The following TMEM135 variants were observed in gnomAD, a reference collection of about 807,000 sequenced individuals.
TMEM135 encodes the protein peroxisomal membrane protein 52.
Under a neutral mutation model 60.3 loss-of-function variants are expected in TMEM135, and 30 were observed. The observed-to-expected ratio is 0.50, with a 90% CI of 0.37 to 0.68. TMEM135 has a LOEUF of 0.68. TMEM135 is among the 30% of genes least tolerant of loss of function. The probability of loss-of-function intolerance (pLI) is 0.00; values close to 1 mark genes in which losing one functional copy is unlikely to be tolerated. For missense variants in TMEM135, 468 were observed against 548.8 expected, an observed-to-expected ratio of 0.85 and a Z score of 1.47; for synonymous variants, 190 against 186.7, an observed-to-expected ratio of 1.02 and a Z score of -0.14.
At position 87,324,044 on chromosome 11, in the gene TMEM135, C is replaced by T. The variant is rs1407781899; in HGVS notation, c.*2711C>T. On this transcript the variant is annotated 3_prime_UTR_variant, in exon 15 of 15. Coordinates refer to ENST00000305494, the MANE Select transcript of TMEM135 (RefSeq NM_022918.4). ...TATAATGAACTTTTATTAGACTGAACATGTATGTTTTTGATGGAATCCAAA... is the reference window on the plus strand; with the variant it reads ...TATAATGAACTTTTATTAGACTGAATATGTATGTTTTTGATGGAATCCAAA... 2.2e-6 allele frequency: 1 copy of T among 453,924 alleles called. No homozygotes were observed. Among genetic ancestry groups the T allele is most frequent in the Admixed American group, 2.3e-5 (1 of 42,556 alleles). The allele number at this position is 453,924 out of a possible 1,614,324, so 28.1% of individuals were successfully genotyped here. A position where few individuals can be genotyped will look rare whatever the true frequency, so the allele number is the denominator to read the frequency against.
chr11:87,282,508 C>T (rs752685198), intron 6 of TMEM135, among the ~76,000 whole-genome samples: 1 of 152,178 alleles, frequency 6.6e-6, no homozygotes, highest in Non-Finnish European at 1.5e-5. Flanking sequence ...TCAGGTGATC[C>T]ACTCGCCTCG....
intron 5 of TMEM135, among the ~76,000 whole-genome samples, chr11:87,233,991 A>G (rs2135370680): frequency 6.6e-6 from 1 of 152,248 alleles, no homozygotes; most frequent in South Asian, 2.1e-4. Context: ...GCACAGTTTT[A>G]AAAACTTTTT....
chr11:87,308,575 G>T (rs10898666), intron 9 of TMEM135, among the ~76,000 whole-genome samples: 4,150 of 151,536 alleles, frequency 0.027, 122 homozygotes, highest in East Asian at 0.15. Context: ...ACTGCTATGA[G>T]TGTAGATATT....
chr11:87,292,033 C>T (rs1317305262), intron 6 of TMEM135, among the ~76,000 whole-genome samples: 1 of 152,142 alleles, frequency 6.6e-6, no homozygotes, highest in African/African-American at 2.4e-5. Context: ...AATCTACTTG[C>T]TTCTCTTTAC....
intron 13 of TMEM135, among the ~76,000 whole-genome samples, chr11:87,318,886 T>TC (rs1363521807): frequency 2.6e-5 from 4 of 151,592 alleles, no homozygotes; most frequent in Non-Finnish European, 5.9e-5. Context: ...TTTTTTTTTT[T>TC]TTGAGATGGA....
Position 87,135,462 on chromosome 11 carries a change from ATG to A in TMEM135, c.397-21877_397-21876del, listed in dbSNP as rs1445660375. On this transcript the variant is annotated intron_variant, in intron 4 of 14. Coordinates refer to ENST00000305494, the MANE Select transcript of TMEM135 (RefSeq NM_022918.4). The stretch of plus-strand genomic sequence containing the variant: ...ATTATTTTTGCATATAGTTAAACAA[ATG>A]TTCTAGCACCATTTATTGAAGAGTT... Among the ~76,000 whole-genome samples the A allele has an allele frequency of 2.7e-5, 4 of 149,122 alleles. No individual in the cohort carries two copies. The East Asian group carries it at 7.9e-4, about 29-fold the overall frequency.
intron 4 of TMEM135, among the ~76,000 whole-genome samples, chr11:87,130,070 A>G (rs1937872962): frequency 6.6e-6 from 1 of 152,050 alleles, no homozygotes; most frequent in South Asian, 2.1e-4. Context: ...TTCTTAGGAT[A>G]CAAGTAGCAG....
chr11:87,113,923 T>C (rs1438001618), intron 4 of TMEM135, among the ~76,000 whole-genome samples: 2 of 152,036 alleles, frequency 1.3e-5, no homozygotes, highest in African/African-American at 2.4e-5. Context: ...TACTAGTGCA[T>C]AGGAAGATCT....
intron 6 of TMEM135, among the ~76,000 whole-genome samples, chr11:87,283,166 C>A (rs1215670634): frequency 6.6e-6 from 1 of 151,612 alleles, no homozygotes; most frequent in Non-Finnish European, 1.5e-5. Flanking sequence ...GAAACCCTGT[C>A]TCTACTGAAA....
intron 4 of TMEM135, among the ~76,000 whole-genome samples, chr11:87,099,863 A>C (rs1328470981): frequency 6.6e-6 from 1 of 151,824 alleles, no homozygotes; most frequent in Non-Finnish European, 1.5e-5. Flanking sequence ...TTGTATTTTT[A>C]GTAGAGACGG....
chr11:87,148,361 T>C (rs191853272), intron 4 of TMEM135, among the ~76,000 whole-genome samples: 1 of 152,302 alleles, frequency 6.6e-6, no homozygotes, highest in African/African-American at 2.4e-5. Flanking sequence ...CTTAGCTGAA[T>C]TGGCAGAATG....
At chr11:87,128,352 T>G (rs1226580887) in intron 4 of TMEM135, among the ~76,000 whole-genome samples, 1 of 152,204 alleles carries the variant, frequency 6.6e-6, no homozygotes, top group Admixed American at 6.5e-5. Context: ...ACTCCAGATC[T>G]TTGCTCTAGC....
At chr11:87,227,725 A>AAC (rs1233838838) in intron 5 of TMEM135, among the ~76,000 whole-genome samples, 2 of 152,176 alleles carry the variant, frequency 1.3e-5, no homozygotes, top group Non-Finnish European at 2.9e-5. Flanking sequence ...TTTGACTTTG[A>AAC]ACACACATTG....
At position 87,144,839 on chromosome 11, in the gene TMEM135, A is replaced by G. The variant is rs181993176; in HGVS notation, c.397-12502A>G. 6.5e-3 allele frequency among the ~76,000 whole-genome samples: 995 copies of G among 152,062 alleles called. 13 individuals carry two copies. Among genetic ancestry groups the G allele is most frequent in the African/African-American group, 0.023 (945 of 41,496 alleles). ...CTTTTTTATTATAAATTCACAATTCATAATTGTATACATTTATTGGGAACA... is the reference window on the plus strand; with the variant it reads ...CTTTTTTATTATAAATTCACAATTCGTAATTGTATACATTTATTGGGAACA... On this transcript the variant is annotated intron_variant, in intron 4 of 14. Transcript: ENST00000305494.
chr11:87,275,800 C>T (rs566269059), intron 6 of TMEM135, among the ~76,000 whole-genome samples: 2 of 152,220 alleles, frequency 1.3e-5, no homozygotes, highest in South Asian at 2.1e-4. Flanking sequence ...GCTGGGATTA[C>T]AGGCTCCCAC....
chr11:87,171,156 C>G (rs901511333), intron 5 of TMEM135, among the ~76,000 whole-genome samples: 1 of 152,106 alleles, frequency 6.6e-6, no homozygotes, highest in Non-Finnish European at 1.5e-5. Flanking sequence ...ATTGCAGAAT[C>G]TAAAAGGAAA....
intron 6 of TMEM135, among the ~76,000 whole-genome samples, chr11:87,257,293 A>G (rs547245000): frequency 3.3e-5 from 5 of 152,182 alleles, no homozygotes; most frequent in Non-Finnish European, 7.3e-5. Context: ...GCTATAACTC[A>G]TTGGGCTATG....
intron 1 of TMEM135, among the ~76,000 whole-genome samples, chr11:87,061,666 C>T (rs990091617): frequency 6.6e-6 from 1 of 152,102 alleles, no homozygotes; most frequent in Non-Finnish European, 1.5e-5. Context: ...GATCATGGGT[C>T]TTTGAGGCCA....
intron 4 of TMEM135, among the ~76,000 whole-genome samples, chr11:87,119,998 A>G (rs955703842): frequency 1.3e-5 from 2 of 152,132 alleles, no homozygotes; most frequent in African/African-American, 4.8e-5. Flanking sequence ...GAAAATATTC[A>G]TTTGAAAATG....
Sources: allele counts gnomAD v4.1 joint callset (sites outside exome capture counted in the v4.1 genomes callset), GRCh38; gene constraint gnomAD v4.1.1; transcripts MANE v1.5; gene names NCBI Gene and HGNC (gene_info 2026-07-23, HGNC 2026-07-21).